Variants in DEUP1 observed in about 807,000 individuals in gnomAD.
DEUP1 encodes deuterosome assembly protein 1.
In DEUP1, 82 loss-of-function variants were observed where a neutral mutation model predicts 87.4. The ratio of observed to expected loss-of-function variants is 0.94; its 90% confidence interval spans 0.78 to 1.13. DEUP1 has a LOEUF of 1.13. DEUP1 is among the 50% of genes most tolerant of loss of function. The probability of loss-of-function intolerance (pLI) is 0.00; values close to 1 mark genes in which losing one functional copy is unlikely to be tolerated. For missense variants in DEUP1, 663 were observed against 681.5 expected (o/e 0.97, Z 0.30); for synonymous variants, 214 against 222.7 (o/e 0.96, Z 0.35).
chr11:93,415,248 G>A (rs746465689), intron 13 of DEUP1, 134 bp downstream of exon 13: 5 of 499,924 alleles, frequency 1.0e-5, no homozygotes, highest in African/African-American at 4.0e-5. Context: ...TCCAAGATGG[G>A]TCTGCGAGCC....
In DEUP1 at chr11:93,356,930, A is replaced by G; in HGVS notation, c.202-18A>G. 6.5e-7 allele frequency: 1 copy of G among 1,539,322 alleles called. No homozygotes were observed. Among genetic ancestry groups the G allele is most frequent in the Non-Finnish European group, 8.8e-7 (1 of 1,133,528 alleles). Reference sequence around the variant, plus strand: ...CAAAATTTAGAAAAAGCAAAATTAAATTTTATTCTTCATGCAGGTAGGGTT... The same window carrying G: ...CAAAATTTAGAAAAAGCAAAATTAAGTTTTATTCTTCATGCAGGTAGGGTT... On this transcript the variant is annotated intron_variant, in intron 3 of 13. Transcript: ENST00000298050.
chr11:93,341,713 C>A (rs908176359), intron 2 of DEUP1, among the ~76,000 whole-genome samples: 2 of 152,104 alleles, frequency 1.3e-5, no homozygotes, highest in Admixed American at 6.5e-5. Flanking sequence ...CAGAGTAAGA[C>A]CCTGTCTCTT....
chr11:93,339,847 G>A (rs1335593364), intron 2 of DEUP1, among the ~76,000 whole-genome samples: 1 of 152,172 alleles, frequency 6.6e-6, no homozygotes, highest in Non-Finnish European at 1.5e-5. Context: ...GTAATGAGGA[G>A]TTCCTCCCTC....
chr11:93,369,095 C>A (rs1945573683), intron 5 of DEUP1, among the ~76,000 whole-genome samples: 1 of 152,116 alleles, frequency 6.6e-6, no homozygotes, highest in Non-Finnish European at 1.5e-5. Context: ...GAGGGCCCTT[C>A]TCCTGGTTCA....
rs796309948 is a variant in DEUP1 at position 93,373,625 on chromosome 11, G to GTGTGTA, written c.789+2346_789+2347insGTGTAT. 2.7e-4 allele frequency among the ~76,000 whole-genome samples: 18 copies of GTGTGTA among 66,996 alleles called. 1 individual carries two copies. The highest frequency in any genetic ancestry group is 7.3e-4 in the African/African-American group (18 of 24,574). The allele number at this position is 66,996 out of a possible 152,430, so 44.0% of individuals were successfully genotyped here. A position where few individuals can be genotyped will look rare whatever the true frequency, so the allele number is the denominator to read the frequency against. On this transcript the variant is annotated intron_variant, in intron 7 of 13. Coordinates refer to ENST00000298050, the MANE Select transcript of DEUP1 (RefSeq NM_181645.4). ...TATATTTATATATGTATATATATAC[G>GTGTGTA]TATATATATATATATATATATATAT...
intron 7 of DEUP1, among the ~76,000 whole-genome samples, chr11:93,379,209 G>A (rs1249754595): frequency 6.6e-6 from 1 of 151,984 alleles, no homozygotes; most frequent in African/African-American, 2.4e-5. Flanking sequence ...TTTGTTTTTG[G>A]CTCACTTGTG....
At chr11:93,419,041 G>A (rs1286440504) in intron 13 of DEUP1, among the ~76,000 whole-genome samples, 4 of 148,962 alleles carry the variant, frequency 2.7e-5, no homozygotes, top group South Asian at 2.1e-4. Flanking sequence ...GTGGGGTGGC[G>A]GGAGGGGGGA....
At chr11:93,407,969 G>A (rs945098765) in intron 11 of DEUP1, among the ~76,000 whole-genome samples, 39 of 151,980 alleles carry the variant, frequency 2.6e-4, no homozygotes, top group African/African-American at 9.4e-4. Flanking sequence ...GAGCAATATT[G>A]TATGTATTGC....
chr11:93,352,450 G>A (rs1238867107), intron 2 of DEUP1: 2 of 696,836 alleles, frequency 2.9e-6, no homozygotes, highest in Non-Finnish European at 5.2e-6. Context: ...AGTTGCTATA[G>A]TCCTAGCTGT....
At chr11:93,339,532 A>G (rs75839737) in intron 2 of DEUP1, among the ~76,000 whole-genome samples, 2,070 of 152,320 alleles carry the variant, frequency 0.014, 48 homozygotes, top group African/African-American at 0.048. Context: ...ACAGCTAGTC[A>G]AATTACCCAT....
intron 13 of DEUP1, among the ~76,000 whole-genome samples, chr11:93,416,279 T>C (rs867752568): frequency 5.3e-5 from 8 of 151,958 alleles, no homozygotes; most frequent in East Asian, 1.9e-4. Flanking sequence ...ATTGATAGAC[T>C]GCTAACAAGA....
At chr11:93,428,818 A>T (rs1278459356) in intron 13 of DEUP1, among the ~76,000 whole-genome samples, 1 of 152,142 alleles carries the variant, frequency 6.6e-6, no homozygotes, top group East Asian at 1.9e-4. Flanking sequence ...CCTTTTATTA[A>T]AAGTTATTTT....
In DEUP1 at chr11:93,417,560, G is replaced by T. The variant is rs370779492; in HGVS notation, c.1638+2446G>T. 2.4e-4 allele frequency among the ~76,000 whole-genome samples: 37 copies of T among 151,744 alleles called. No homozygotes were observed. The East Asian group carries it at 4.8e-3, about 20-fold the overall frequency. On this transcript the variant is annotated intron_variant, in intron 13 of 13. Coordinates refer to ENST00000298050, the MANE Select transcript of DEUP1 (RefSeq NM_181645.4). ...ACAAACAAATGGAAGAACATTCCAT[G>T]CTCATGGGTAGGAAGAATCAATATC...
chr11:93,338,705 C>T (rs763377304), intron 2 of DEUP1, among the ~76,000 whole-genome samples: 3 of 152,130 alleles, frequency 2.0e-5, no homozygotes, highest in African/African-American at 7.2e-5. Context: ...GCTCCCAGCT[C>T]AGTCAACATT....
In DEUP1 at chr11:93,437,578, T is replaced by G. The variant is rs375431193; in HGVS notation, c.1674T>G (p.Ala558=). Residue 558 remains alanine, a synonymous_variant, in exon 14 of 14, where the codon GCT becomes GCG. Transcript: ENST00000298050. ...ATATGTCCTTCCCAGCATCTTTGGCTGCACAGCATTTCCTTCTGGAAGAAG... is the reference window on the plus strand; with the variant it reads ...ATATGTCCTTCCCAGCATCTTTGGCGGCACAGCATTTCCTTCTGGAAGAAG... ...PPDMSFPASL[A]AQHFLLEEEK... 3.1e-6 allele frequency: 5 copies of G among 1,613,744 alleles called. No homozygotes were observed. In the African/African-American group the frequency reaches 6.7e-5, roughly 22 times the overall value.
rs1591270536 is a variant in DEUP1 at position 93,427,008 on chromosome 11, A to G, written c.1639-10535A>G. Reference sequence around the variant, plus strand: ...TTAGAGTATAATAAAAAAAAAAAAAAAAAGAAAAAAAAAAAAAAAAAAAGA... The same window carrying G: ...TTAGAGTATAATAAAAAAAAAAAAAGAAAGAAAAAAAAAAAAAAAAAAAGA... On this transcript the variant is annotated intron_variant, in intron 13 of 13. Transcript: ENST00000298050. Among the ~76,000 whole-genome samples, 3 of 31,632 alleles carry G rather than the reference A, an allele frequency of 9.5e-5. 1 individual carries two copies. Among genetic ancestry groups the G allele is most frequent in the East Asian group, 3.2e-3 (2 of 618 alleles). 20.8% of individuals were successfully genotyped at this position (31,632 alleles called of 152,430 possible).
In DEUP1 at chr11:93,408,230, G is replaced by T; in HGVS notation, c.1327-1G>T. Reference sequence around the variant, plus strand: ...CAATGATAGTTTATTTTATTCTCTAGAGTATGGACTTCACTAACAGGGAAC... The same window carrying T: ...CAATGATAGTTTATTTTATTCTCTATAGTATGGACTTCACTAACAGGGAAC... On this transcript the variant is annotated splice_acceptor_variant, in intron 11 of 13. Coordinates refer to ENST00000298050, the MANE Select transcript of DEUP1 (RefSeq NM_181645.4). LOFTEE classifies it high-confidence loss of function. 6.5e-7 allele frequency: 1 copy of T among 1,549,564 alleles called. No homozygotes were observed. The highest frequency in any genetic ancestry group is 1.2e-5 in the South Asian group (1 of 81,900).
chr11:93,364,812 A>T (rs1184184215), intron 5 of DEUP1, among the ~76,000 whole-genome samples: 1 of 152,098 alleles, frequency 6.6e-6, no homozygotes, highest in Non-Finnish European at 1.5e-5. Context: ...TGTCCTCATA[A>T]CTATATATAT....
At chr11:93,330,685 C>A, upstream of DEUP1, 1 of 153,128 alleles carries the variant, frequency 6.5e-6, no homozygotes, top group South Asian at 1.8e-4. Flanking sequence ...GGCGGGGCCC[C>A]TTGGGGCGGG....
Sources: allele counts gnomAD v4.1 joint callset (sites outside exome capture counted in the v4.1 genomes callset), GRCh38; gene constraint gnomAD v4.1.1; transcripts MANE v1.5; gene names NCBI Gene and HGNC (gene_info 2026-07-23, HGNC 2026-07-21).